The following GRM7 variants were observed in gnomAD, a reference collection of about 807,000 sequenced individuals.
GRM7 encodes glutamate metabotropic receptor 7, also known as metabotropic glutamate receptor 7.
In GRM7, 35 loss-of-function variants were observed where a neutral mutation model predicts 84.5. The observed-to-expected ratio is 0.41, with a 90% confidence interval of 0.32 to 0.55. The LOEUF (loss-of-function observed/expected upper bound fraction) is 0.55, where lower values mean the gene tolerates loss of function less well. Ranked by LOEUF, GRM7 falls within the 20% of genes least tolerant of loss-of-function variation. The probability of loss-of-function intolerance (pLI) is 0.19; values close to 1 mark genes in which losing one functional copy is unlikely to be tolerated. For missense variants in GRM7, 1,003 were observed against 1,194.6 expected, an observed-to-expected ratio of 0.84 and a Z score of 2.36; for synonymous variants, 487 against 455.1, an observed-to-expected ratio of 1.07 and a Z score of -0.89.
At chr3:6,960,989 C>T (rs948388126) in intron 1 of GRM7, among the ~76,000 whole-genome samples, 2 of 152,154 alleles carry the variant, frequency 1.3e-5, no homozygotes, top group African/African-American at 4.8e-5. Context: ...TTTTTGCTTG[C>T]AGCCTTCTGT....
At chr3:7,694,977 A>ATTGTCCTTG (rs1204239014) in intron 9 of GRM7, among the ~76,000 whole-genome samples, 1 of 152,184 alleles carries the variant, frequency 6.6e-6, no homozygotes, top group East Asian at 1.9e-4. Context: ...TATTTTTTAA[A>ATTGTCCTTG]TTGTCCTTGA....
intron 3 of GRM7, among the ~76,000 whole-genome samples, chr3:7,299,885 C>A (rs906957406): frequency 2.0e-5 from 3 of 151,930 alleles, no homozygotes; most frequent in African/African-American, 7.3e-5. Flanking sequence ...TCCTTTTGCA[C>A]AAATCTGTGT....
intron 2 of GRM7, among the ~76,000 whole-genome samples, chr3:7,293,454 C>G (rs1053712547): frequency 2.0e-5 from 3 of 152,286 alleles, no homozygotes; most frequent in Non-Finnish European, 4.4e-5. Flanking sequence ...TGACAGCGGA[C>G]ATTCTCAGTG....
chr3:7,415,205 G>A lies in GRM7; in HGVS notation c.1174+42G>A, dbSNP rs775756366. 4 of 1,551,680 alleles carry A rather than the reference G, an allele frequency of 2.6e-6. No homozygotes were observed. In the South Asian group the frequency reaches 4.5e-5, roughly 17 times the overall value. On this transcript the variant is annotated intron_variant, in intron 5 of 9. Transcript: ENST00000357716. ...TGTCCTTCTCCTATTACTCTACGTGGCTAGCACTGACATGTCTGCATAGCT... is the reference window on the plus strand; with the variant it reads ...TGTCCTTCTCCTATTACTCTACGTGACTAGCACTGACATGTCTGCATAGCT...
intron 2 of GRM7, among the ~76,000 whole-genome samples, chr3:7,265,680 G>A (rs1698609560): frequency 6.6e-6 from 1 of 152,162 alleles, no homozygotes; most frequent in South Asian, 2.1e-4. Context: ...GGGGAGGGTG[G>A]ACAGAGATTA....
At chr3:7,469,636 T>C (rs1027702249) in intron 7 of GRM7, among the ~76,000 whole-genome samples, 3 of 152,122 alleles carry the variant, frequency 2.0e-5, no homozygotes, top group South Asian at 2.1e-4. Flanking sequence ...GGACTTAGGA[T>C]TGGGTCTCTA....
intron 1 of GRM7, among the ~76,000 whole-genome samples, chr3:6,900,134 T>C (rs894884711): frequency 6.6e-6 from 1 of 152,198 alleles, no homozygotes; most frequent in Non-Finnish European, 1.5e-5. Flanking sequence ...TGTTTAGAGA[T>C]GGCAATTTGG....
chr3:7,334,805 A>G (rs1484988024), intron 4 of GRM7, among the ~76,000 whole-genome samples: 1 of 152,168 alleles, frequency 6.6e-6, no homozygotes, highest in Non-Finnish European at 1.5e-5. Flanking sequence ...TTAAAGCAAC[A>G]ACAGTTAGAT....
chr3:6,910,190 TC>T (rs1367908414), intron 1 of GRM7, among the ~76,000 whole-genome samples: 4 of 151,944 alleles, frequency 2.6e-5, no homozygotes, highest in African/African-American at 4.8e-5. Context: ...AATGGAGAGG[TC>T]TCACATTGAG....
At position 6,970,547 on chromosome 3, in the gene GRM7, G is replaced by A. The variant is rs141941957; in HGVS notation, c.519+108640G>A. 6.8e-3 allele frequency among the ~76,000 whole-genome samples: 1,035 copies of A among 152,272 alleles called. 15 individuals are homozygous for A. Among genetic ancestry groups the A allele is most frequent in the African/African-American group, 0.022 (931 of 41,546 alleles). On this transcript the variant is annotated intron_variant, in intron 1 of 9. Coordinates refer to ENST00000357716, the MANE Select transcript of GRM7 (RefSeq NM_000844.4). ...CCTTAGCAGCTATGGTAAGGACTTG[G>A]GTTTTGATTGGTAAGAGGGAAAGCC...
intron 1 of GRM7, among the ~76,000 whole-genome samples, chr3:7,061,716 G>A (rs961586905): frequency 2.0e-5 from 3 of 151,698 alleles, no homozygotes; most frequent in African/African-American, 7.3e-5. Flanking sequence ...AGTAAGAACA[G>A]AAGCTTACAT....
chr3:7,539,535 G>T (rs769181095), intron 7 of GRM7, among the ~76,000 whole-genome samples: 5 of 151,984 alleles, frequency 3.3e-5, no homozygotes, highest in Non-Finnish European at 7.4e-5. Context: ...AATTATCCAG[G>T]CATGGTGGCA....
chr3:7,001,188 G>A (rs570149656), intron 1 of GRM7, among the ~76,000 whole-genome samples: 1 of 152,008 alleles, frequency 6.6e-6, no homozygotes, highest in Non-Finnish European at 1.5e-5. Context: ...TCCACAAAAA[G>A]ATTTTTTTAA....
At position 6,861,418 on chromosome 3, in the gene GRM7, C is replaced by A. The variant is rs749998857; in HGVS notation, c.30C>A (p.Val10=). The A allele has an allele frequency of 2.5e-6, 4 of 1,597,778 alleles. No homozygotes were observed. Among genetic ancestry groups the A allele is most frequent in the Non-Finnish European group, 3.4e-6 (4 of 1,174,098 alleles). The change falls in exon 1 of 10, where the codon GTC becomes GTA. Residue 10 remains valine (V), a synonymous_variant. Coordinates refer to ENST00000357716, the MANE Select transcript of GRM7 (RefSeq NM_000844.4). The surrounding 1 kb of genome is among the most constrained non-coding windows in gnomAD (Gnocchi z 6.4). ...TCCAGCTGAGGAAGCTGCTCCGCGT[C>A]CTGACTTTGATGAAGTTCCCCTGCT... is the stretch of plus-strand genomic sequence containing the variant. MVQLRKLLR[V]LTLMKFPCCV... is the part of the protein sequence containing the mutation.
At chr3:7,217,731 T>C (rs1696662260) in intron 2 of GRM7, among the ~76,000 whole-genome samples, 1 of 149,548 alleles carries the variant, frequency 6.7e-6, no homozygotes, top group South Asian at 2.1e-4. Flanking sequence ...AATTATAATA[T>C]AAAATTATTT....
At chr3:7,396,660 TG>T (rs1256529001) in intron 4 of GRM7, among the ~76,000 whole-genome samples, 3 of 152,096 alleles carry the variant, frequency 2.0e-5, no homozygotes, top group Non-Finnish European at 2.9e-5. Context: ...GAATCGCATT[TG>T]GGATGGATGG....
chr3:7,063,827 T>C (rs75364585), intron 1 of GRM7, among the ~76,000 whole-genome samples: 70 of 151,846 alleles, frequency 4.6e-4, no homozygotes, highest in Non-Finnish European at 8.7e-4. Flanking sequence ...GTCTGCATAT[T>C]TTTCATAAGA....
rs73808615 is a variant in GRM7, at chr3:7,024,597, G to A, written c.520-121855G>A. Among the ~76,000 whole-genome samples, 983 of 152,324 alleles carry A rather than the reference G, an allele frequency of 6.5e-3. 10 individuals are homozygous for A. The highest frequency in any genetic ancestry group is 0.022 in the African/African-American group (903 of 41,564). On this transcript the variant is annotated intron_variant, in intron 1 of 9. Coordinates refer to ENST00000357716, the MANE Select transcript of GRM7 (RefSeq NM_000844.4). ...AGCCTTCCAGGCAAAACTGCAGCAG[G>A]CATGGAGATGCCGAGTGTGACGACA...
At chr3:7,672,523 C>T (rs139532593) in intron 8 of GRM7, among the ~76,000 whole-genome samples, 1 of 152,146 alleles carries the variant, frequency 6.6e-6, no homozygotes, top group East Asian at 1.9e-4. Context: ...TAATTCTCAA[C>T]TGTCACCTGG....
Sources: gnomAD v4.1 joint callset for allele counts (sites outside exome capture counted in the v4.1 genomes callset) on GRCh38, gnomAD v4.1.1 for gene constraint, Gnocchi (gnomAD v3.1) non-coding constraint, MANE v1.5 for transcripts, NCBI Gene and HGNC (gene_info 2026-07-23, HGNC 2026-07-21) for gene names.